BGN: variants seen among roughly 807,000 people sequenced by gnomAD.
The protein encoded by BGN is biglycan, also known as bone/cartilage proteoglycan-I.
Under a neutral mutation model 20.0 loss-of-function variants are expected in BGN, and 6 were observed. The ratio of observed to expected loss-of-function variants is 0.30; its 90% CI spans 0.16 to 0.59. The LOEUF is 0.59. BGN is among the 20% of genes least tolerant of loss of function. The probability of loss-of-function intolerance (pLI) is 0.88; values close to 1 mark genes in which losing one functional copy is unlikely to be tolerated. For synonymous variants in BGN, 146 were observed against 134.6 expected (o/e 1.08, Z -0.59); for missense variants, 292 against 312.1 (o/e 0.94, Z 0.49).
At chrX:153,508,114 C>A in intron 7 of BGN, 134 bp from the exon 8 acceptor site, 1 of 685,879 alleles carries the variant, frequency 1.5e-6, no homozygotes, top group Non-Finnish European at 2.2e-6. Context: ...TTGGTTTGCT[C>A]CTCCCAACAA....
At chrX:153,496,781 G>A (rs2089718013) in intron 1 of BGN, among the ~76,000 whole-genome samples, 1 of 112,042 alleles carries the variant, frequency 8.9e-6, no homozygotes, top group South Asian at 3.7e-4. Context: ...CAAAGCTATA[G>A]CGTGTCCCTT....
chrX:153,500,992 ATG>A (rs1371527898), intron 1 of BGN, among the ~76,000 whole-genome samples: 1 of 110,080 alleles, frequency 9.1e-6, no homozygotes, highest in African/African-American at 3.3e-5. Context: ...GTGCATGTAT[ATG>A]TGTGTACATG....
Position 153,505,235 on chromosome X carries a change from T to C in BGN, c.239-3T>C. 8.4e-7 allele frequency: 1 copy of C among 1,194,716 alleles called. No homozygotes were observed. Among genetic ancestry groups the C allele is most frequent in the Non-Finnish European group, 1.1e-6 (1 of 883,308 alleles). The stretch of plus-strand genomic sequence containing the variant: ...ATGCTGGTGATGGGGGTGGGGCCCC[T>C]AGGTCTGAAGTCTGTGCCCAAAGAG... On this transcript the variant is annotated splice_region_variant and splice_polypyrimidine_tract_variant and intron_variant, in intron 2 of 7. Coordinates refer to ENST00000331595, the MANE Select transcript of BGN (RefSeq NM_001711.6).
At chrX:153,503,707 G>A (rs1176723846) in intron 1 of BGN, among the ~76,000 whole-genome samples, 5 of 112,272 alleles carry the variant, frequency 4.5e-5, no homozygotes, top group African/African-American at 1.3e-4. Flanking sequence ...ACTCCCACTC[G>A]CCGCCTCGGC....
intron 1 of BGN, among the ~76,000 whole-genome samples, chrX:153,497,833 A>G (rs1056276317): frequency 1.8e-5 from 2 of 111,330 alleles, no homozygotes; most frequent in Non-Finnish European, 3.8e-5. Context: ...CCCTTCTGGG[A>G]CTCTAGACTC....
chrX:153,504,684 C>T lies in BGN; in HGVS notation c.53C>T (p.Pro18Leu). 1.7e-6 allele frequency: 2 copies of T among 1,211,854 alleles called. No individual in the cohort carries two copies. Among genetic ancestry groups the T allele is most frequent in the Non-Finnish European group, 1.1e-6 (1 of 895,452 alleles). Reference sequence around the variant, plus strand: ...CTGCTGGCCCTGAGCCAGGCCCTGCCCTTTGAGCAGAGAGGCTTCTGGGAC... The same window carrying T: ...CTGCTGGCCCTGAGCCAGGCCCTGCTCTTTGAGCAGAGAGGCTTCTGGGAC... The part of the protein sequence containing the change: ...VSLLALSQAL[P>L]FEQRGFWDFT... Residue 18 changes from proline (P) to leucine (L), a missense_variant, in exon 2 of 8, where the codon CCC becomes CTC. Transcript: ENST00000331595.
In BGN at chrX:153,504,726, G is replaced by A. The variant is rs1230475012; in HGVS notation, c.95G>A (p.Gly32Glu). The change falls in exon 2 of 8, where the codon GGG (glycine) becomes GAG (glutamate). Residue 32 changes from glycine (G) to glutamate (E), a missense_variant. Physicochemically the swap from Gly to Glu is moderately conservative, Grantham distance 98 (BLOSUM62 -2). Coordinates refer to ENST00000331595, the MANE Select transcript of BGN (RefSeq NM_001711.6). ...RGFWDFTLDD[G>E]PFMMNDEEAS... ...TTCTGGGACTTCACCCTGGACGATG[G>A]GCCATTCATGATGAACGATGAGGAA... is the stretch of plus-strand genomic sequence containing the variant. The A allele has an allele frequency of 8.3e-7, 1 of 1,211,801 alleles. No individual in the cohort carries two copies. Among genetic ancestry groups the A allele is most frequent in the Admixed American group, 2.2e-5 (1 of 46,123 alleles).
chrX:153,500,869 G>C (rs1264666331), intron 1 of BGN, among the ~76,000 whole-genome samples: 2 of 111,954 alleles, frequency 1.8e-5, no homozygotes, highest in East Asian at 2.8e-4. Context: ...GCATGTATGT[G>C]TATAGATGTG....
intron 1 of BGN, among the ~76,000 whole-genome samples, chrX:153,500,356 G>A (rs1006482252): frequency 6.3e-5 from 7 of 111,954 alleles, no homozygotes; most frequent in Non-Finnish European, 1.1e-4. Flanking sequence ...GGTATCCAGG[G>A]AGCTCAGGGC....
At position 153,495,063 on chromosome X, in the gene BGN, C is replaced by G. The variant is rs1378452003; in HGVS notation, c.-62C>G. 2 of 110,294 alleles carry G rather than the reference C, an allele frequency of 1.8e-5. No individual in the cohort carries two copies. The highest frequency in any genetic ancestry group is 3.8e-5 in the Non-Finnish European group (2 of 52,724). The allele number at this position is 110,294 out of a possible 1,213,427, so 9.1% of individuals were successfully genotyped here. A position where few individuals can be genotyped will look rare whatever the true frequency, so the allele number is the denominator to read the frequency against. On this transcript the variant is annotated 5_prime_UTR_variant, in exon 1 of 8. Transcript: ENST00000331595. ...ACAGATAGACGTGCGGACGGCCCAC[C>G]ACCCCAGCCCGCCAACTAGTCAGCC... is the stretch of plus-strand genomic sequence containing the variant.
At chrX:153,505,383 G>A in intron 3 of BGN, 33 bp downstream of exon 3, 1 of 1,144,721 alleles carries the variant, frequency 8.7e-7, no homozygotes, top group Non-Finnish European at 1.2e-6. Flanking sequence ...CAGGCCTACA[G>A]CAGAGGGCAG....
chrX:153,497,799 C>T (rs186078440), intron 1 of BGN, among the ~76,000 whole-genome samples: 1 of 111,867 alleles, frequency 8.9e-6, no homozygotes, highest in East Asian at 2.8e-4. Context: ...TCCCCTCCAC[C>T]ACTTGAATCC....
At chrX:153,496,558 C>T (rs377126311) in intron 1 of BGN, among the ~76,000 whole-genome samples, 9 of 112,270 alleles carry the variant, frequency 8.0e-5, no homozygotes, top group Non-Finnish European at 1.5e-4. Flanking sequence ...GAGCAGGTTG[C>T]GAGCCAGGGA....
chrX:153,502,206 C>G (rs1157721866), intron 1 of BGN, among the ~76,000 whole-genome samples: 1 of 112,455 alleles, frequency 8.9e-6, no homozygotes, highest in Non-Finnish European at 1.9e-5. Context: ...CGGCCTTCCC[C>G]AGCCCCTCCC....
intron 1 of BGN, among the ~76,000 whole-genome samples, chrX:153,496,952 AC>A (rs2089720435): frequency 5.7e-5 from 1 of 17,476 alleles, no homozygotes; most frequent in African/African-American, 2.6e-4. Flanking sequence ...TCCCGGGCCC[AC>A]CCCCCACCCC....
rs782412670 is a variant in BGN, at chrX:153,507,156, T to C, written c.880T>C (p.Ser294Pro). The change falls in exon 7 of 8, where the codon TCA becomes CCA. Residue 294 changes from serine to proline, a missense_variant. Ser to Pro is a moderately conservative substitution (Grantham distance 74). Coordinates refer to ENST00000331595, the MANE Select transcript of BGN (RefSeq NM_001711.6). ...LDNNKLARVPSGLPDLKLLQV... is the reference protein window; with the variant it reads ...LDNNKLARVPPGLPDLKLLQV... ...CAACAACAAGTTGGCCAGGGTGCCC[T>C]CAGGGCTCCCAGACCTCAAGCTCCT... 3.3e-6 allele frequency: 4 copies of C among 1,205,558 alleles called. No individual in the cohort carries two copies. The South Asian group carries it at 7.2e-5, about 22-fold the overall frequency.
intron 7 of BGN, among the ~76,000 whole-genome samples, chrX:153,507,806 G>C (rs1366514730): frequency 1.8e-5 from 2 of 113,721 alleles, no homozygotes; most frequent in Non-Finnish European, 3.7e-5. Context: ...CCCAGAGACA[G>C]CAAGACGGTG....
At chrX:153,497,444 G>A (rs1270766754) in intron 1 of BGN, among the ~76,000 whole-genome samples, 2 of 110,997 alleles carry the variant, frequency 1.8e-5, no homozygotes, top group Non-Finnish European at 3.8e-5. Flanking sequence ...CGGGCCTGGG[G>A]CGATCAGTGC....
chrX:153,503,077 C>T (rs2089772198), intron 1 of BGN, among the ~76,000 whole-genome samples: 2 of 113,081 alleles, frequency 1.8e-5, no homozygotes, highest in Admixed American at 9.2e-5. Flanking sequence ...TGGGCTTGTG[C>T]TCAGACCCAA....
Sources: allele counts gnomAD v4.1 joint callset (sites outside exome capture counted in the v4.1 genomes callset), GRCh38; gene constraint gnomAD v4.1.1; transcripts MANE v1.5; gene names NCBI Gene and HGNC (gene_info 2026-07-23, HGNC 2026-07-21).